DAAM2: variants seen among roughly 807,000 people sequenced by gnomAD.
The protein encoded by DAAM2 is dishevelled associated activator of morphogenesis 2.
In DAAM2, 39 loss-of-function variants were observed where a neutral mutation model predicts 120.7. That is an observed-to-expected ratio of 0.32 (90% CI 0.25 to 0.42). The LOEUF is 0.42. Among genes scored for constraint, DAAM2 ranks in the 10% least tolerant of loss-of-function variants. DAAM2 has a pLI of 1.00. For synonymous variants in DAAM2, 488 were observed against 524.9 expected (o/e 0.93, Z 0.96); for missense variants, 1,283 against 1,401.7 (o/e 0.92, Z 1.35).
chr6:39,797,093 G>A (rs560993574), intron 1 of DAAM2, among the ~76,000 whole-genome samples: 1 of 152,312 alleles, frequency 6.6e-6, no homozygotes, highest in Admixed American at 6.5e-5. Context: ...GTGGGGCACA[G>A]AACAGTGCTC....
chr6:39,895,451 T>C (rs3004064), intron 19 of DAAM2, among the ~76,000 whole-genome samples: 1 of 151,448 alleles, frequency 6.6e-6, no homozygotes, highest in Non-Finnish European at 1.5e-5. Flanking sequence ...ACCCAGGTTG[T>C]TCTCGAATGC....
At chr6:39,887,428 G>C in intron 15 of DAAM2, 58 bp from the exon 16 acceptor site, 1 of 1,292,282 alleles carries the variant, frequency 7.7e-7, no homozygotes, top group Non-Finnish European at 1.1e-6. Context: ...TGCGGGGCGG[G>C]TAAGAGGAGG....
chr6:39,890,587 A>C (rs1048455098), intron 17 of DAAM2, among the ~76,000 whole-genome samples: 7 of 152,212 alleles, frequency 4.6e-5, no homozygotes, highest in Non-Finnish European at 1.0e-4. Context: ...GCCTATATTC[A>C]CTTGAATGGC....
At chr6:39,800,002 A>C (rs890433114) in intron 1 of DAAM2, among the ~76,000 whole-genome samples, 2 of 152,128 alleles carry the variant, frequency 1.3e-5, no homozygotes, top group Admixed American at 1.3e-4. Flanking sequence ...CCTTGACCAT[A>C]TGTCAAGGTC....
chr6:39,879,585 T>C (rs1765032927), intron 14 of DAAM2, 108 bp downstream of exon 14: 1 of 1,464,370 alleles, frequency 6.8e-7, no homozygotes, highest in Non-Finnish European at 9.6e-7. Flanking sequence ...GTCCTTTCTT[T>C]GGTGGGGGGT....
chr6:39,837,670 A>AAAAAAAAAAAAAAAAAG (rs1763160228), intron 1 of DAAM2, among the ~76,000 whole-genome samples: 2 of 150,610 alleles, frequency 1.3e-5, no homozygotes, highest in African/African-American at 4.9e-5. Context: ...TCTCAAAAAA[A>AAAAAAAAAAAAAAAAAG]AAAAAAAAAA....
intron 1 of DAAM2, among the ~76,000 whole-genome samples, chr6:39,830,464 T>A (rs1762838341): frequency 6.6e-6 from 1 of 152,148 alleles, no homozygotes; most frequent in African/African-American, 2.4e-5. Flanking sequence ...GAGTCCAGAC[T>A]GTGCTTGTGC....
Position 39,904,063 on chromosome 6 carries a change from C to A in DAAM2, c.*2026C>A, listed in dbSNP as rs770808882. The stretch of plus-strand genomic sequence containing the variant: ...CTGACCAGGCTGATGTCAACCTAAC[C>A]CCCTCAGGGGCAGGGAACAGGGGAG... On this transcript the variant is annotated 3_prime_UTR_variant, in exon 25 of 25. Transcript: ENST00000274867. The A allele has an allele frequency of 3.1e-5, 12 of 388,610 alleles. No individual in the cohort carries two copies. Among genetic ancestry groups the A allele is most frequent in the Non-Finnish European group, 5.1e-5 (10 of 197,962 alleles). The allele number at this position is 388,610 out of a possible 1,614,324, so 24.1% of individuals were successfully genotyped here.
At position 39,879,252 on chromosome 6, in the gene DAAM2, G is replaced by A. The variant is rs1285107236; in HGVS notation, c.1620G>A (p.Leu540=). 1.3e-6 allele frequency: 2 copies of A among 1,542,736 alleles called. No homozygotes were observed. Among genetic ancestry groups the A allele is most frequent in the South Asian group, 1.2e-5 (1 of 82,732 alleles). ...CTTCCTCAATGACAACCAATGACCT[G>A]CCTCCACCCCCTCCTCCTCTGCCCT... ...TLSSSMTTND[L]PPPPPPLPFA... is the part of the protein sequence containing the mutation. The change falls in exon 14 of 25, where the codon CTG becomes CTA. Residue 540 remains leucine, a synonymous_variant. Coordinates refer to ENST00000274867, the MANE Select transcript of DAAM2 (RefSeq NM_001201427.2).
In DAAM2 at chr6:39,847,872, T is replaced by G. The variant is rs528920298; in HGVS notation, c.-56-8375T>G. 6.6e-5 allele frequency among the ~76,000 whole-genome samples: 10 copies of G among 152,276 alleles called. No homozygotes were observed. In the South Asian group the frequency reaches 2.1e-3, roughly 32 times the overall value. On this transcript the variant is annotated intron_variant, in intron 1 of 24. Transcript: ENST00000274867. ...TCTCCTCTACCATAAGTCAAGGAACTAATCAACAGCAAGCCACACACTCTC... is the reference window on the plus strand; with the variant it reads ...TCTCCTCTACCATAAGTCAAGGAACGAATCAACAGCAAGCCACACACTCTC...
At position 39,856,428 on chromosome 6, in the gene DAAM2, C is replaced by T. The variant is rs377508623; in HGVS notation, c.126C>T (p.Ile42=). Residue 42 remains isoleucine, a synonymous_variant, in exon 2 of 25, where the codon ATC becomes ATT. Coordinates refer to ENST00000274867, the MANE Select transcript of DAAM2 (RefSeq NM_001201427.2). The stretch of plus-strand genomic sequence containing the variant: ...AGTTCATGGAGTTCTCCAGCCCCAT[C>T]CCGAACGCAGAGGAGCTCAACATCC... ...PLQFMEFSSP[I]PNAEELNIRF... The T allele has an allele frequency of 8.4e-5, 128 of 1,515,708 alleles. No individual in the cohort carries two copies. The highest frequency in any genetic ancestry group is 1.1e-4 in the Non-Finnish European group (122 of 1,131,816). 93.9% of individuals were successfully genotyped at this position (1,515,708 alleles called of 1,614,324 possible). A position where few individuals can be genotyped will look rare whatever the true frequency, so the allele number is the denominator to read the frequency against.
Position 39,831,097 on chromosome 6 carries a change from A to G in DAAM2, c.-56-25150A>G, listed in dbSNP as rs1242758230. On this transcript the variant is annotated intron_variant, in intron 1 of 24. Coordinates refer to ENST00000274867, the MANE Select transcript of DAAM2 (RefSeq NM_001201427.2). ...TAAGTCTACACAGTTAGTAAGTTTC[A>G]TATATTCCTTCTTTATTACAAGGGC... Among the ~76,000 whole-genome samples the G allele has an allele frequency of 2.6e-5, 4 of 152,240 alleles. No individual in the cohort carries two copies. The East Asian group carries it at 7.7e-4, about 29-fold the overall frequency.
intron 1 of DAAM2, among the ~76,000 whole-genome samples, chr6:39,818,278 A>G (rs1017868674): frequency 6.6e-6 from 1 of 151,714 alleles, no homozygotes; most frequent in Non-Finnish European, 1.5e-5. Flanking sequence ...CATAAAATTA[A>G]CCCTTCATAT....
At chr6:39,870,297 TGA>T in intron 7 of DAAM2, 41 bp from the exon 8 acceptor site, 1 of 1,274,482 alleles carries the variant, frequency 7.8e-7, no homozygotes, top group Non-Finnish European at 1.1e-6. Context: ...TTGTGGAAAC[TGA>T]GATCTGCCAA....
rs149198125 is a variant in DAAM2, at chr6:39,897,389, C to T, written c.2618+107C>T. The T allele has an allele frequency of 4.2e-6, 3 of 707,852 alleles. No homozygotes were observed. In the East Asian group the frequency reaches 7.6e-5, roughly 18 times the overall value. 43.8% of individuals were successfully genotyped at this position (707,852 alleles called of 1,614,324 possible). Reference sequence around the variant, plus strand: ...GGCTTGATGATGGCTGGTGTGAGACCTCGGTTCTTGTCTTCTGAGTTCAAA... The same window carrying T: ...GGCTTGATGATGGCTGGTGTGAGACTTCGGTTCTTGTCTTCTGAGTTCAAA... On this transcript the variant is annotated intron_variant, in intron 21 of 24. Transcript: ENST00000274867.
chr6:39,834,431 C>A (rs1763028125), intron 1 of DAAM2, among the ~76,000 whole-genome samples: 1 of 152,114 alleles, frequency 6.6e-6, no homozygotes, highest in Non-Finnish European at 1.5e-5. Context: ...TGAAAGAGGC[C>A]TTTGATTTGC....
Position 39,870,452 on chromosome 6 carries a change from C to G in DAAM2, c.977+9C>G. On this transcript the variant is annotated intron_variant, in intron 8 of 24. Transcript: ENST00000274867. The stretch of plus-strand genomic sequence containing the variant: ...AATGCCATCCTGGACAAGTAAGTTC[C>G]AAGCACCCGTCTCCATTGCAAACCT... 1.3e-6 allele frequency: 2 copies of G among 1,533,640 alleles called. No homozygotes were observed. The highest frequency in any genetic ancestry group is 2.4e-5 in the South Asian group (2 of 84,208).
rs1764009979 is a variant in DAAM2, at chr6:39,856,488, G to T, written c.168+18G>T. The stretch of plus-strand genomic sequence containing the variant: ...AGCTGGTGGTCAGTGAGAGGGTGGG[G>T]AGAGACAGTGACAATGGGGAGGAGG... On this transcript the variant is annotated intron_variant, in intron 2 of 24. Coordinates refer to ENST00000274867, the MANE Select transcript of DAAM2 (RefSeq NM_001201427.2). The T allele has an allele frequency of 7.0e-7, 1 of 1,420,814 alleles. No individual in the cohort carries two copies. The allele number at this position is 1,420,814 out of a possible 1,614,324, so 88.0% of individuals were successfully genotyped here. A position where few individuals can be genotyped will look rare whatever the true frequency, so the allele number is the denominator to read the frequency against.
At chr6:39,805,258 C>G (rs1002437397) in intron 1 of DAAM2, among the ~76,000 whole-genome samples, 3 of 152,140 alleles carry the variant, frequency 2.0e-5, no homozygotes, top group African/African-American at 7.2e-5. Flanking sequence ...TCAAATTTCA[C>G]CACTTGCTAG....
Sources: allele counts gnomAD v4.1 joint callset (sites outside exome capture counted in the v4.1 genomes callset), GRCh38; gene constraint gnomAD v4.1.1; transcripts MANE v1.5; gene names NCBI Gene and HGNC (gene_info 2026-07-23, HGNC 2026-07-21).